The following CNTLN variants were observed in gnomAD, a reference collection of about 807,000 sequenced individuals.
CNTLN encodes centlein, centrosomal protein.
In CNTLN, 212 loss-of-function variants were observed where a neutral mutation model predicts 180.0. That is an observed-to-expected ratio of 1.18 (90% confidence interval 1.05 to 1.32). The LOEUF is 1.32. Among genes scored for constraint, CNTLN ranks in the 40% most tolerant of loss-of-function variants. The pLI, the probability that CNTLN is intolerant of heterozygous loss-of-function variation, is 0.00. For synonymous variants in CNTLN, 722 were observed against 563.1 expected (o/e 1.28, Z -3.99); for missense variants, 2,095 against 1,610.9 (o/e 1.30, Z -5.14).
intron 18 of CNTLN, among the ~76,000 whole-genome samples, chr9:17,451,546 A>C (rs1407482211): frequency 1.3e-5 from 2 of 152,200 alleles, no homozygotes; most frequent in African/African-American, 4.8e-5. Context: ...AATGAGAAAG[A>C]AAACTCGGAG....
intron 5 of CNTLN, among the ~76,000 whole-genome samples, chr9:17,267,315 T>C (rs1250783644): frequency 6.6e-6 from 1 of 152,176 alleles, no homozygotes; most frequent in African/African-American, 2.4e-5. Flanking sequence ...GTTGGCTGGA[T>C]ATGAAATTCT....
At chr9:17,215,527 C>G (rs1047658780) in intron 2 of CNTLN, among the ~76,000 whole-genome samples, 28 of 152,134 alleles carry the variant, frequency 1.8e-4, no homozygotes, top group African/African-American at 6.5e-4. Flanking sequence ...GCAGTTTGAC[C>G]ATTCTCAGAT....
intron 18 of CNTLN, among the ~76,000 whole-genome samples, chr9:17,423,141 C>T (rs1472975749): frequency 6.6e-6 from 1 of 152,040 alleles, no homozygotes; most frequent in Non-Finnish European, 1.5e-5. Context: ...CGATGTCCAC[C>T]ACTGCTGAGG....
intron 18 of CNTLN, among the ~76,000 whole-genome samples, chr9:17,423,834 C>T (rs1828898238): frequency 1.3e-5 from 2 of 152,034 alleles, no homozygotes; most frequent in South Asian, 4.2e-4. Flanking sequence ...GCTCTGTCCC[C>T]CAAGCACACA....
intron 2 of CNTLN, among the ~76,000 whole-genome samples, chr9:17,187,986 TTATATATACACTA>T (rs1441707606): frequency 6.9e-6 from 1 of 145,252 alleles, no homozygotes; most frequent in Admixed American, 7.0e-5. Flanking sequence ...TGCTCAATAA[TTATATATACACTA>T]TATATATACA....
chr9:17,492,816 C>G (rs548196297), intron 25 of CNTLN, among the ~76,000 whole-genome samples: 7 of 152,048 alleles, frequency 4.6e-5, no homozygotes, highest in East Asian at 1.9e-4. Flanking sequence ...TTGACAATAG[C>G]CAAATGATGG....
chr9:17,372,564 C>G (rs1181907803), intron 13 of CNTLN, among the ~76,000 whole-genome samples: 1 of 152,126 alleles, frequency 6.6e-6, no homozygotes, highest in East Asian at 1.9e-4. Context: ...AGAACTAACT[C>G]CAATCCTACT....
intron 24 of CNTLN, among the ~76,000 whole-genome samples, chr9:17,486,741 G>C (rs1832908655): frequency 6.6e-6 from 1 of 152,014 alleles, no homozygotes; most frequent in East Asian, 1.9e-4. Context: ...GAGCTCCACT[G>C]TGAAGGTAGA....
chr9:17,507,034 T>G (rs1564161025), downstream of CNTLN, among the ~76,000 whole-genome samples: 1 of 152,076 alleles, frequency 6.6e-6, no homozygotes, highest in Non-Finnish European at 1.5e-5. Context: ...CGTGTGTAGG[T>G]TTGCTAAATG....
chr9:17,411,803 A>T (rs969864021), intron 16 of CNTLN, among the ~76,000 whole-genome samples: 1 of 151,644 alleles, frequency 6.6e-6, no homozygotes, highest in Non-Finnish European at 1.5e-5. Context: ...TCCACCCCCT[A>T]TCCATGCAAA....
At position 17,394,690 on chromosome 9, in the gene CNTLN, A is replaced by T. The variant is rs1370126998; in HGVS notation, c.2236A>T (p.Ile746Leu). 3.1e-6 allele frequency: 5 copies of T among 1,613,928 alleles called. No homozygotes were observed. Among genetic ancestry groups the T allele is most frequent in the Non-Finnish European group, 3.4e-6 (4 of 1,179,908 alleles). ...TETREKELEQ[I>L]IKGSKDVEKE... ...GACCAGAGAAAAAGAGCTAGAACAG[A>T]TAATAAAGGGGAGTAAAGATGTAGA... is the stretch of plus-strand genomic sequence containing the variant. The change falls in exon 15 of 26, where the codon ATA (isoleucine) becomes TTA (leucine). Residue 746 changes from isoleucine (I) to leucine (L), a missense_variant. Physicochemically the swap from Ile to Leu is conservative, Grantham distance 5 (BLOSUM62 2). Transcript: ENST00000380647.
chr9:17,309,630 C>T (rs930709551), intron 8 of CNTLN, among the ~76,000 whole-genome samples: 2 of 151,302 alleles, frequency 1.3e-5, no homozygotes, highest in Non-Finnish European at 3.0e-5. Context: ...GCCTGGTATT[C>T]GGTACTCAGT....
At chr9:17,208,562 G>C (rs879776921) in intron 2 of CNTLN, among the ~76,000 whole-genome samples, 12 of 152,124 alleles carry the variant, frequency 7.9e-5, no homozygotes, top group Admixed American at 7.2e-4. Context: ...TTAAATGTTT[G>C]GTAGAATTCA....
chr9:17,486,946 T>G, intron 24 of CNTLN, 43 bp from the exon 25 acceptor site: 1 of 966,340 alleles, frequency 1.0e-6, no homozygotes. Flanking sequence ...AACAAGTTCA[T>G]ATAAATTTCG....
chr9:17,204,182 C>A (rs1387875728), intron 2 of CNTLN, among the ~76,000 whole-genome samples: 2 of 152,192 alleles, frequency 1.3e-5, no homozygotes, highest in African/African-American at 2.4e-5. Flanking sequence ...ATCTCGTTCT[C>A]CATCCAGTTT....
chr9:17,269,964 GTT>G (rs559102032), intron 5 of CNTLN, among the ~76,000 whole-genome samples: 2 of 152,040 alleles, frequency 1.3e-5, no homozygotes, highest in South Asian at 2.1e-4. Context: ...TAAATGTTTA[GTT>G]TTATAGAAAA....
chr9:17,424,816 G>A (rs1231957236), intron 18 of CNTLN, among the ~76,000 whole-genome samples: 1 of 152,100 alleles, frequency 6.6e-6, no homozygotes, highest in Non-Finnish European at 1.5e-5. Flanking sequence ...ACCATGTAAT[G>A]CTCTCTGCCA....
At chr9:17,316,207 C>T (rs935033764) in intron 8 of CNTLN, among the ~76,000 whole-genome samples, 2 of 151,858 alleles carry the variant, frequency 1.3e-5, no homozygotes, top group Non-Finnish European at 2.9e-5. Flanking sequence ...CCTTTAGTGG[C>T]AATTTTTGTC....
intron 2 of CNTLN, among the ~76,000 whole-genome samples, chr9:17,199,238 G>T (rs1476352683): frequency 8.0e-6 from 1 of 124,652 alleles, no homozygotes; most frequent in East Asian, 2.5e-4. Context: ...TTGAGACAGA[G>T]TCTTGCCCTA....
Sources: gnomAD v4.1 joint callset for allele counts (sites outside exome capture counted in the v4.1 genomes callset) on GRCh38, gnomAD v4.1.1 for gene constraint, MANE v1.5 for transcripts, NCBI Gene and HGNC (gene_info 2026-07-23, HGNC 2026-07-21) for gene names.